Variants in SKIC3 observed in about 807,000 individuals in gnomAD.
The protein encoded by SKIC3 is superkiller complex protein 3.
chr5:95,490,038 G>A, the SKIC3 span, among the ~76,000 whole-genome samples: 2 of 152,172 alleles, frequency 1.3e-5, no homozygotes, highest in Non-Finnish European at 2.9e-5. Context: ...AAAAGCTAAT[G>A]TCCCAAGACA....
chr5:95,465,265 A>C, the SKIC3 span, among the ~76,000 whole-genome samples: 3 of 152,112 alleles, frequency 2.0e-5, no homozygotes, highest in Non-Finnish European at 2.9e-5. Flanking sequence ...ATAAAATTAA[A>C]GGTTTTGTTT....
the SKIC3 span, chr5:95,528,084 A>G: frequency 8.1e-6 from 13 of 1,613,856 alleles, no homozygotes; most frequent in African/African-American, 1.7e-4. Context: ...TCTGCTTTCA[A>G]ATGAAGACAA....
chr5:95,504,352 A>G, the SKIC3 span, among the ~76,000 whole-genome samples: 3 of 150,988 alleles, frequency 2.0e-5, no homozygotes, highest in Non-Finnish European at 2.9e-5. Context: ...AAAAATTTAC[A>G]CTAAGTTTCT....
chr5:95,523,475 G>T, the SKIC3 span: 1 of 1,170,060 alleles, frequency 8.5e-7, no homozygotes. Context: ...TCAACAATAA[G>T]TGGTTAGTAA....
the SKIC3 span, chr5:95,536,645 ATTTAT>A: frequency 1.6e-6 from 1 of 617,170 alleles, no homozygotes; most frequent in Non-Finnish European, 2.9e-6. Context: ...ACTTTCCTAT[ATTTAT>A]TAGTCTTTTC....
chr5:95,536,541 T>C, the SKIC3 span: 123 of 382,062 alleles, frequency 3.2e-4, 1 homozygote, highest in Non-Finnish European at 4.8e-4. Flanking sequence ...CTAGTTTCTA[T>C]AAAAAATTCA....
chr5:95,547,289 T>A, the SKIC3 span: 3 of 719,656 alleles, frequency 4.2e-6, no homozygotes, highest in Non-Finnish European at 7.3e-6. Context: ...CCCTCTAGAA[T>A]ATACACAGTT....
At chr5:95,496,306 C>A in the SKIC3 span, among the ~76,000 whole-genome samples, 1 of 152,176 alleles carries the variant, frequency 6.6e-6, no homozygotes, top group Non-Finnish European at 1.5e-5. Context: ...CCATGAGCCA[C>A]CGTGCCTGGC....
the SKIC3 span, chr5:95,494,571 A>G: frequency 4.3e-6 from 5 of 1,153,988 alleles, no homozygotes; most frequent in South Asian, 5.1e-5. Context: ...TTTGTCTGGT[A>G]TAAACAATGC....
At chr5:95,520,006 G>A in the SKIC3 span, among the ~76,000 whole-genome samples, 1 of 151,916 alleles carries the variant, frequency 6.6e-6, no homozygotes, top group Non-Finnish European at 1.5e-5. Flanking sequence ...AAGCAATTCT[G>A]GAACAACCAA....
At chr5:95,512,630 C>T in the SKIC3 span, 3 of 1,613,530 alleles carry the variant, frequency 1.9e-6, no homozygotes, top group Non-Finnish European at 2.5e-6. Flanking sequence ...TTTAAAAAAG[C>T]CAACGTTAAG....
At chr5:95,473,039 C>G in the SKIC3 span, among the ~76,000 whole-genome samples, 1 of 152,028 alleles carries the variant, frequency 6.6e-6, no homozygotes, top group South Asian at 2.1e-4. Context: ...TTCCATGTCT[C>G]TGCATTGTGA....
At chr5:95,531,252 T>C in the SKIC3 span, among the ~76,000 whole-genome samples, 1 of 152,160 alleles carries the variant, frequency 6.6e-6, no homozygotes, top group Non-Finnish European at 1.5e-5. Flanking sequence ...TATGTAGTAA[T>C]ATGTTATATA....
the SKIC3 span, chr5:95,470,004 T>C: frequency 4.2e-6 from 6 of 1,426,124 alleles, no homozygotes; most frequent in Non-Finnish European, 5.7e-6. Context: ...TGAGACGGAG[T>C]CTCGCTCTGT....
At chr5:95,529,180 A>C in the SKIC3 span, 2 of 1,189,354 alleles carry the variant, frequency 1.7e-6, no homozygotes, top group Non-Finnish European at 2.5e-6. Flanking sequence ...CTACTCTCCA[A>C]ATCAGACTCC....
chr5:95,474,811 C>T, the SKIC3 span, among the ~76,000 whole-genome samples: 9 of 152,238 alleles, frequency 5.9e-5, no homozygotes, highest in African/African-American at 1.7e-4. Context: ...TTAAAACATT[C>T]GCTTTTCATT....
the SKIC3 span, among the ~76,000 whole-genome samples, chr5:95,553,405 G>A: frequency 2.6e-5 from 4 of 152,096 alleles, no homozygotes; most frequent in South Asian, 2.1e-4. Flanking sequence ...TAGAAAATAC[G>A]TTCTACATTC....
chr5:95,537,051 A>G, the SKIC3 span: 1 of 1,613,484 alleles, frequency 6.2e-7, no homozygotes, highest in Non-Finnish European at 8.5e-7. Flanking sequence ...ACTTTGGATA[A>G]ACTCTGAATG....
At chr5:95,513,011 TCA>T in the SKIC3 span, 4 of 224,164 alleles carry the variant, frequency 1.8e-5, no homozygotes, top group Non-Finnish European at 3.6e-5. Context: ...TCCTAGAGTC[TCA>T]GTTTCTATTC....
Sources: gnomAD v4.1 joint callset for allele counts (sites outside exome capture counted in the v4.1 genomes callset) on GRCh38, gnomAD v4.1.1 for gene constraint, MANE v1.5 for transcripts, NCBI Gene and HGNC (gene_info 2026-07-23, HGNC 2026-07-21) for gene names.